The following MREG variants were observed in gnomAD, a reference collection of about 807,000 sequenced individuals.
The protein encoded by MREG is melanoregulin, also known as dilute suppressor protein homolog.
In MREG, 31 loss-of-function variants were observed where a neutral mutation model predicts 28.5. The observed-to-expected ratio is 1.09, with a 90% CI of 0.82 to 1.47. The LOEUF (loss-of-function observed/expected upper bound fraction) is 1.47, where lower values mean the gene tolerates loss of function less well. Ranked by LOEUF, MREG falls within the 40% of genes most tolerant of loss-of-function variation. The pLI is 0.00. For missense variants in MREG, 256 were observed against 257.4 expected (o/e 0.99, Z 0.04); for synonymous variants, 106 against 95.2 (o/e 1.11, Z -0.66).
chr2:215,975,917 C>T (rs1693243930), intron 2 of MREG, among the ~76,000 whole-genome samples: 1 of 152,060 alleles, frequency 6.6e-6, no homozygotes, highest in Non-Finnish European at 1.5e-5. Context: ...GAAACACTGT[C>T]TCTACTAAAA....
intron 2 of MREG, among the ~76,000 whole-genome samples, chr2:215,958,464 A>G (rs965062449): frequency 3.3e-5 from 5 of 152,122 alleles, no homozygotes; most frequent in Non-Finnish European, 5.9e-5. Flanking sequence ...ACCCAAGAGA[A>G]AAAGGATTCT....
chr2:215,968,039 G>A (rs1384446883), intron 2 of MREG, among the ~76,000 whole-genome samples: 1 of 152,174 alleles, frequency 6.6e-6, no homozygotes, highest in Non-Finnish European at 1.5e-5. Flanking sequence ...GGGGTTAAAA[G>A]CTACATCACC....
intron 2 of MREG, among the ~76,000 whole-genome samples, chr2:215,974,171 TA>T (rs766504891): frequency 1.3e-5 from 2 of 152,102 alleles, no homozygotes; most frequent in East Asian, 1.9e-4. Context: ...TGCAAAACCA[TA>T]AAATGACACA....
chr2:215,982,528 A>C (rs1443616354), intron 2 of MREG, among the ~76,000 whole-genome samples: 1 of 152,150 alleles, frequency 6.6e-6, no homozygotes, highest in Non-Finnish European at 1.5e-5. Context: ...TCAGGGCCAA[A>C]AGCAGGTGGA....
At chr2:215,987,483 G>A (rs933769043) in intron 2 of MREG, among the ~76,000 whole-genome samples, 1 of 151,956 alleles carries the variant, frequency 6.6e-6, no homozygotes, top group African/African-American at 2.4e-5. Context: ...TGGATCTCGT[G>A]AGCCACCCAC....
intron 2 of MREG, among the ~76,000 whole-genome samples, chr2:215,993,010 A>G (rs937478088): frequency 1.3e-5 from 2 of 152,238 alleles, no homozygotes; most frequent in African/African-American, 4.8e-5. Flanking sequence ...TATAGATTCA[A>G]TGCTATCCCC....
chr2:215,963,609 T>C (rs993456960), intron 2 of MREG, among the ~76,000 whole-genome samples: 2 of 152,226 alleles, frequency 1.3e-5, no homozygotes, highest in African/African-American at 2.4e-5. Context: ...ATGACTTGCA[T>C]TGTATTTTTA....
intron 2 of MREG, among the ~76,000 whole-genome samples, chr2:215,957,536 G>A (rs1457594014): frequency 6.6e-6 from 1 of 152,148 alleles, no homozygotes; most frequent in African/African-American, 2.4e-5. Context: ...GCGGGCAGGA[G>A]CCACAGAGGT....
chr2:215,949,087 CTAATAATAA>C (rs58773562), intron 2 of MREG, among the ~76,000 whole-genome samples: 7 of 124,594 alleles, frequency 5.6e-5, no homozygotes, highest in African/African-American at 2.2e-4. Flanking sequence ...ACTACTACTA[CTAATAATAA>C]TAATAATAAT....
intron 1 of MREG, among the ~76,000 whole-genome samples, chr2:216,019,614 C>T (rs919784301): frequency 4.0e-5 from 6 of 151,844 alleles, no homozygotes; most frequent in Non-Finnish European, 7.4e-5. Context: ...ACACCATTAT[C>T]CTGCCTCAGC....
chr2:215,996,489 TTGGGGTTTTATAATATACATAAAA>T, intron 1 of MREG, 24 bp from the exon 2 acceptor site: 1 of 1,589,904 alleles, frequency 6.3e-7, no homozygotes, highest in Non-Finnish European at 8.6e-7. Flanking sequence ...AAAGGAAAGA[TTGGGGTTTTATAATATACATAAAA>T]TGTTATATGT....
intron 2 of MREG, among the ~76,000 whole-genome samples, chr2:215,962,800 G>A (rs1464345340): frequency 2.0e-5 from 3 of 152,286 alleles, no homozygotes; most frequent in South Asian, 4.1e-4. Context: ...TCCAAACTGA[G>A]ATGGGCGGTA....
At chr2:215,998,879 C>G (rs1693940959) in intron 1 of MREG, among the ~76,000 whole-genome samples, 1 of 152,088 alleles carries the variant, frequency 6.6e-6, no homozygotes, top group African/African-American at 2.4e-5. Context: ...CTGCCCTTAA[C>G]ATAACTATAA....
chr2:216,005,880 CAGGACAGTGTCA>C (rs1217032233), intron 1 of MREG, among the ~76,000 whole-genome samples: 1 of 143,718 alleles, frequency 7.0e-6, no homozygotes, highest in Non-Finnish European at 1.5e-5. Context: ...AGAGCCAATT[CAGGACAGTGTCA>C]AACAGTTCAG....
chr2:216,008,394 T>C (rs1414954971), intron 1 of MREG, among the ~76,000 whole-genome samples: 2 of 151,178 alleles, frequency 1.3e-5, no homozygotes, highest in East Asian at 3.8e-4. Flanking sequence ...CAAACATCGT[T>C]ACATCTGTCT....
At chr2:215,979,834 C>T (rs1349507519) in intron 2 of MREG, among the ~76,000 whole-genome samples, 1 of 151,970 alleles carries the variant, frequency 6.6e-6, no homozygotes, top group Non-Finnish European at 1.5e-5. Flanking sequence ...TCACTGGAGG[C>T]TTGACTTGGT....
At chr2:215,970,034 G>A (rs1013368979) in intron 2 of MREG, among the ~76,000 whole-genome samples, 6 of 152,132 alleles carry the variant, frequency 3.9e-5, no homozygotes, top group African/African-American at 1.4e-4. Flanking sequence ...ATCATTATGG[G>A]TTAAATTGAC....
chr2:215,995,316 G>A (rs1486835177), intron 2 of MREG, among the ~76,000 whole-genome samples: 1 of 152,140 alleles, frequency 6.6e-6, no homozygotes, highest in Non-Finnish European at 1.5e-5. Context: ...CCCCCATCCT[G>A]TGATCCACAT....
chr2:215,963,547 T>A (rs1692858474), intron 2 of MREG, among the ~76,000 whole-genome samples: 1 of 152,022 alleles, frequency 6.6e-6, no homozygotes, highest in Non-Finnish European at 1.5e-5. Flanking sequence ...TAATTTCACC[T>A]ATTTATTTTT....
Sources: gnomAD v4.1 joint callset for allele counts (sites outside exome capture counted in the v4.1 genomes callset) on GRCh38, gnomAD v4.1.1 for gene constraint, MANE v1.5 for transcripts, NCBI Gene and HGNC (gene_info 2026-07-23, HGNC 2026-07-21) for gene names.